STXBP4: variants seen among roughly 807,000 people sequenced by gnomAD.
STXBP4 encodes the protein syntaxin-binding protein 4.
STXBP4 carries 55 observed loss-of-function variants against 76.1 expected under a neutral mutation model. The observed-to-expected ratio is 0.72, with a 90% CI of 0.58 to 0.91. The LOEUF (loss-of-function observed/expected upper bound fraction) is 0.91. STXBP4 is among the 40% of genes least tolerant of loss of function. The pLI is 0.00. For synonymous variants in STXBP4, 201 were observed against 220.2 expected (o/e 0.91, Z 0.77); for missense variants, 618 against 636.9 (o/e 0.97, Z 0.32).
chr17:55,044,992 T>G (rs1210546410), intron 11 of STXBP4, among the ~76,000 whole-genome samples: 1 of 152,122 alleles, frequency 6.6e-6, no homozygotes, highest in Non-Finnish European at 1.5e-5. Context: ...TGATGGACAT[T>G]AGACTATTTC....
chr17:55,077,602 C>T (rs1045097181), intron 13 of STXBP4, among the ~76,000 whole-genome samples: 1 of 152,010 alleles, frequency 6.6e-6, no homozygotes, highest in Admixed American at 6.6e-5. Context: ...CTTCAGTGCT[C>T]TCTTACCCCA....
intron 16 of STXBP4, among the ~76,000 whole-genome samples, chr17:55,089,679 A>G (rs551977719): frequency 6.6e-6 from 1 of 152,338 alleles, no homozygotes; most frequent in East Asian, 1.9e-4. Flanking sequence ...CATGTTCAGA[A>G]CTGCAATTTC....
chr17:55,026,050 TAAA>T (rs1421932699), intron 8 of STXBP4, among the ~76,000 whole-genome samples: 2 of 152,118 alleles, frequency 1.3e-5, no homozygotes, highest in Admixed American at 6.5e-5. Flanking sequence ...GGAATAAATT[TAAA>T]AAAAGAAGTG....
chr17:55,190,437 A>G, the STXBP4 span, among the ~76,000 whole-genome samples: 1 of 152,144 alleles, frequency 6.6e-6, no homozygotes. Context: ...ACAATGGTCA[A>G]TTTCACATTC....
At chr17:55,114,050 C>T (rs1280094882) in intron 16 of STXBP4, among the ~76,000 whole-genome samples, 1 of 152,052 alleles carries the variant, frequency 6.6e-6, no homozygotes, top group Admixed American at 6.6e-5. Context: ...GTATCCAAAA[C>T]AGAATTGATC....
chr17:54,984,822 TA>T (rs1196053191), intron 1 of STXBP4, among the ~76,000 whole-genome samples: 1 of 152,180 alleles, frequency 6.6e-6, no homozygotes, highest in African/African-American at 2.4e-5. Flanking sequence ...TGCTCAGACT[TA>T]AAAAATGTTT....
chr17:54,988,571 C>T (rs4527076), intron 3 of STXBP4, among the ~76,000 whole-genome samples: 47,286 of 151,876 alleles, frequency 0.31, 7,708 homozygotes, highest in African/African-American at 0.37. Context: ...GTCAGGAGTT[C>T]GAGACCAGCC....
At chr17:54,998,631 C>T (rs758516170) in intron 4 of STXBP4, among the ~76,000 whole-genome samples, 7 of 152,076 alleles carry the variant, frequency 4.6e-5, no homozygotes, top group Non-Finnish European at 1.0e-4. Flanking sequence ...AGGCCTTAAT[C>T]ATAGGGGGAT....
At chr17:55,105,574 A>G (rs551180655) in intron 16 of STXBP4, among the ~76,000 whole-genome samples, 89 of 149,090 alleles carry the variant, frequency 6.0e-4, no homozygotes, top group African/African-American at 1.8e-3. Context: ...TTCATACACC[A>G]TTCTCCTGCC....
intron 1 of STXBP4, among the ~76,000 whole-genome samples, chr17:54,982,959 AAG>A (rs758943965): frequency 2.0e-5 from 3 of 152,198 alleles, no homozygotes; most frequent in African/African-American, 4.8e-5. Context: ...TGGAGCAAGA[AAG>A]AGCAGGGTTC....
At chr17:54,981,973 A>T (rs1184453207) in intron 1 of STXBP4, among the ~76,000 whole-genome samples, 1 of 152,228 alleles carries the variant, frequency 6.6e-6, no homozygotes, top group Non-Finnish European at 1.5e-5. Flanking sequence ...TACCATTTTC[A>T]TCAATAAAAC....
At chr17:55,009,315 C>A (rs959895196) in intron 8 of STXBP4, among the ~76,000 whole-genome samples, 2 of 152,094 alleles carry the variant, frequency 1.3e-5, no homozygotes, top group Admixed American at 1.3e-4. Flanking sequence ...AAAAGCATGA[C>A]AATTACATAT....
At chr17:55,077,164 A>T (rs1468222324) in intron 13 of STXBP4, among the ~76,000 whole-genome samples, 1 of 152,114 alleles carries the variant, frequency 6.6e-6, no homozygotes, top group Non-Finnish European at 1.5e-5. Flanking sequence ...GCTTTCATTC[A>T]TAGAGCTTAT....
At chr17:54,990,715 T>G in intron 3 of STXBP4, 110 bp from the exon 4 acceptor site, 1 of 1,308,996 alleles carries the variant, frequency 7.6e-7, no homozygotes, top group East Asian at 2.7e-5. Flanking sequence ...CCAAAAAAGG[T>G]GAGGGGTTGC....
At chr17:55,185,266 TCTC>T in the STXBP4 span, among the ~76,000 whole-genome samples, 11 of 53,088 alleles carry the variant, frequency 2.1e-4, no homozygotes, top group African/African-American at 9.4e-4. Flanking sequence ...TCCTTCTCCT[TCTC>T]CTTCTCCTTC....
intron 8 of STXBP4, among the ~76,000 whole-genome samples, chr17:55,019,887 G>A (rs148670563): frequency 2.6e-5 from 4 of 151,880 alleles, no homozygotes; most frequent in Non-Finnish European, 4.4e-5. Context: ...CTCAGCTGTC[G>A]CTCTGTCTTT....
intron 16 of STXBP4, among the ~76,000 whole-genome samples, chr17:55,113,093 TC>T (rs2079740312): frequency 6.6e-6 from 1 of 152,124 alleles, no homozygotes; most frequent in Admixed American, 6.6e-5. Context: ...TCTTAGGACC[TC>T]TTGGTCATTT....
chr17:55,115,600 A>T (rs114308923), intron 16 of STXBP4, among the ~76,000 whole-genome samples: 1,998 of 151,824 alleles, frequency 0.013, 41 homozygotes, highest in South Asian at 0.045. Flanking sequence ...CCTCTTTTTT[A>T]TTCTTTGGAG....
At chr17:55,189,787 G>A in the STXBP4 span, among the ~76,000 whole-genome samples, 18 of 152,338 alleles carry the variant, frequency 1.2e-4, no homozygotes, top group African/African-American at 4.1e-4. Flanking sequence ...AGTCATCTAT[G>A]TGCTACCCAG....
Sources: gnomAD v4.1 joint callset for allele counts (sites outside exome capture counted in the v4.1 genomes callset) on GRCh38, gnomAD v4.1.1 for gene constraint, MANE v1.5 for transcripts, NCBI Gene and HGNC (gene_info 2026-07-23, HGNC 2026-07-21) for gene names.